The following THSD7B variants were observed in gnomAD, a reference collection of about 807,000 sequenced individuals.
THSD7B encodes thrombospondin type-1 domain-containing protein 7B.
In THSD7B, 138 loss-of-function variants were observed where a neutral mutation model predicts 213.6. That is an observed-to-expected ratio of 0.65 (90% CI 0.56 to 0.74). THSD7B has a LOEUF of 0.74. Ranked by LOEUF, THSD7B falls within the 30% of genes least tolerant of loss-of-function variation. The pLI, the probability that THSD7B is intolerant of heterozygous loss-of-function variation, is 0.00. For synonymous variants in THSD7B, 742 were observed against 687.0 expected (o/e 1.08, Z -1.25); for missense variants, 1,931 against 1,991.5 (o/e 0.97, Z 0.58).
chr2:137,298,344 C>A (rs1032384543), intron 12 of THSD7B, among the ~76,000 whole-genome samples: 5 of 151,944 alleles, frequency 3.3e-5, no homozygotes, highest in African/African-American at 9.7e-5. Flanking sequence ...GACTTGGGTG[C>A]CGTTAAAAGC....
intron 1 of THSD7B, among the ~76,000 whole-genome samples, chr2:136,834,039 T>A (rs1337500341): frequency 2.6e-5 from 4 of 152,200 alleles, no homozygotes; most frequent in Non-Finnish European, 5.9e-5. Context: ...GTTGTTCCCG[T>A]GACTAATATG....
chr2:136,880,183 A>G (rs1975082), intron 1 of THSD7B, among the ~76,000 whole-genome samples: 132,536 of 152,080 alleles, frequency 0.87, 57,996 homozygotes, highest in Non-Finnish European at 0.91. Flanking sequence ...GCACCACACC[A>G]CACTTATTCC....
intron 2 of THSD7B, 82 bp from the exon 3 acceptor site, chr2:137,056,338 G>A (rs1687161894): frequency 7.3e-7 from 1 of 1,376,798 alleles, no homozygotes; most frequent in Non-Finnish European, 9.8e-7. Flanking sequence ...GTGTTGGAAA[G>A]TGTGTTAATT....
At chr2:137,619,899 C>T (rs1682484648) in intron 19 of THSD7B, among the ~76,000 whole-genome samples, 1 of 152,102 alleles carries the variant, frequency 6.6e-6, no homozygotes, top group South Asian at 2.1e-4. Context: ...ATATTGCTAC[C>T]ATATAACACA....
At chr2:137,180,225 A>G (rs894654053) in intron 7 of THSD7B, among the ~76,000 whole-genome samples, 2 of 152,168 alleles carry the variant, frequency 1.3e-5, no homozygotes, top group Admixed American at 6.5e-5. Context: ...GGGTCCTGGA[A>G]GATACTGTTG....
chr2:137,654,450 C>A (rs559012447), intron 21 of THSD7B, among the ~76,000 whole-genome samples: 1 of 152,208 alleles, frequency 6.6e-6, no homozygotes, highest in Non-Finnish European at 1.5e-5. Context: ...AGGCACTTCC[C>A]ATGCTTCCGG....
intron 3 of THSD7B, among the ~76,000 whole-genome samples, chr2:137,080,005 A>G (rs1015521616): frequency 2.0e-5 from 3 of 151,726 alleles, no homozygotes; most frequent in African/African-American, 4.8e-5. Context: ...ACTCTCTGCT[A>G]ATTTTTTTGT....
chr2:136,829,194 C>A (rs961872765), intron 1 of THSD7B, among the ~76,000 whole-genome samples: 1 of 134,222 alleles, frequency 7.5e-6, no homozygotes, highest in South Asian at 2.5e-4. Context: ...AAAAAAAAGT[C>A]CTCCAGAGTG....
chr2:137,309,226 C>A (rs546274748), intron 12 of THSD7B, among the ~76,000 whole-genome samples: 2 of 152,022 alleles, frequency 1.3e-5, no homozygotes, highest in Admixed American at 1.3e-4. Context: ...ACTTGAATTT[C>A]TTTGATTGCT....
intron 11 of THSD7B, among the ~76,000 whole-genome samples, chr2:137,273,299 A>C (rs1682794102): frequency 2.0e-5 from 3 of 152,108 alleles, no homozygotes; most frequent in African/African-American, 7.2e-5. Context: ...TGTTCCCTGT[A>C]TATTCCCTCT....
At chr2:136,884,796 C>T (rs1177034187) in intron 2 of THSD7B, among the ~76,000 whole-genome samples, 2 of 152,008 alleles carry the variant, frequency 1.3e-5, no homozygotes, top group African/African-American at 4.8e-5. Flanking sequence ...ATAAATTTAT[C>T]TAGTTTTCCT....
chr2:137,447,406 C>A (rs920016090), intron 14 of THSD7B, among the ~76,000 whole-genome samples: 2 of 152,094 alleles, frequency 1.3e-5, no homozygotes, highest in Admixed American at 1.3e-4. Context: ...AGTATGCATG[C>A]CATGAGAGTT....
intron 1 of THSD7B, among the ~76,000 whole-genome samples, chr2:136,785,659 T>A (rs1362957811): frequency 1.3e-5 from 2 of 152,194 alleles, no homozygotes; most frequent in African/African-American, 4.8e-5. Flanking sequence ...CTGATTCTCT[T>A]ACAGACTTCC....
chr2:137,077,645 A>G (rs975788267), intron 3 of THSD7B, among the ~76,000 whole-genome samples: 3 of 152,012 alleles, frequency 2.0e-5, no homozygotes, highest in African/African-American at 4.8e-5. Context: ...GTCTGTTCAT[A>G]TCCTTCGCCC....
At chr2:137,115,098 T>C in intron 4 of THSD7B, 26 bp from the exon 5 acceptor site, 3 of 1,613,718 alleles carry the variant, frequency 1.9e-6, no homozygotes, top group Middle Eastern at 1.7e-4. Flanking sequence ...TTCTTCTTCT[T>C]CTTTTAAATA....
intron 15 of THSD7B, among the ~76,000 whole-genome samples, chr2:137,492,139 T>C (rs723660): frequency 0.051 from 7,699 of 152,210 alleles, 253 homozygotes; most frequent in Non-Finnish European, 0.072. Flanking sequence ...CTTCTTTAGG[T>C]TACAGTACTT....
chr2:136,823,133 G>A (rs553190494), intron 1 of THSD7B, among the ~76,000 whole-genome samples: 17 of 152,118 alleles, frequency 1.1e-4, no homozygotes, highest in South Asian at 2.1e-4. Context: ...TGTATCATAT[G>A]GAGGATGAGC....
intron 12 of THSD7B, among the ~76,000 whole-genome samples, chr2:137,292,005 C>T (rs1683351083): frequency 6.6e-6 from 1 of 152,028 alleles, no homozygotes; most frequent in Non-Finnish European, 1.5e-5. Flanking sequence ...TCAGTGGTCA[C>T]AACTAGGGGA....
chr2:136,875,702 A>G (rs941761665), intron 1 of THSD7B, among the ~76,000 whole-genome samples: 1 of 152,170 alleles, frequency 6.6e-6, no homozygotes, highest in African/African-American at 2.4e-5. Context: ...TTGGGTAATC[A>G]TAGAAGGCAC....
Sources: gnomAD v4.1 joint callset for allele counts (sites outside exome capture counted in the v4.1 genomes callset) on GRCh38, gnomAD v4.1.1 for gene constraint, MANE v1.5 for transcripts, NCBI Gene and HGNC (gene_info 2026-07-23, HGNC 2026-07-21) for gene names.